Variants in ANKRD36C observed in about 807,000 individuals in gnomAD.
ANKRD36C encodes the protein ankyrin repeat domain-containing protein 36C.
Under a neutral mutation model 276.4 loss-of-function variants are expected in ANKRD36C, and 61 were observed. The observed-to-expected ratio is 0.22, with a 90% confidence interval of 0.18 to 0.27. The LOEUF is 0.27. ANKRD36C is among the 10% of genes least tolerant of loss of function. The pLI is 1.00. For synonymous variants in ANKRD36C, 483 were observed against 680.1 expected (o/e 0.71, Z 4.51); for missense variants, 1,447 against 2,032.3 (o/e 0.71, Z 5.54).
rs1234043904 is a variant in ANKRD36C at position 95,860,051 on chromosome 2, T to A, written c.3706A>T (p.Lys1236Ter). 1 of 1,537,614 alleles carries A rather than the reference T, an allele frequency of 6.5e-7. No individual in the cohort carries two copies. The highest frequency in any genetic ancestry group is 8.8e-7 in the Non-Finnish European group (1 of 1,138,464). The change falls in exon 61 of 67, where the codon AAA becomes TAA. Residue 1236 changes from lysine to a stop codon, truncating the protein, a stop_gained. Transcript: ENST00000456556. LOFTEE classifies it high-confidence loss of function. ...CTTTTACATAAACAAAATGTCTTTT[T>A]AATTTTCAATAGGTGAACACAATCT... is the stretch of plus-strand genomic sequence containing the variant.
At chr2:95,986,167 C>A (rs1377791742) in intron 3 of ANKRD36C, among the ~76,000 whole-genome samples, 1 of 151,896 alleles carries the variant, frequency 6.6e-6, no homozygotes, top group Non-Finnish European at 1.5e-5. Context: ...AACAACAAAA[C>A]ACACAAAAAC....
intron 41 of ANKRD36C, 42 bp downstream of exon 43, chr2:95,912,365 T>C: frequency 6.2e-7 from 1 of 1,603,440 alleles, no homozygotes; most frequent in Non-Finnish European, 8.5e-7. Flanking sequence ...TTTCATAGGC[T>C]TTACGTTTAC....
intron 44 of ANKRD36C, among the ~76,000 whole-genome samples, chr2:95,892,533 T>C (rs1278495967): frequency 1.3e-5 from 2 of 151,548 alleles, no homozygotes; most frequent in African/African-American, 4.8e-5. Flanking sequence ...CAAAGGACAA[T>C]ATATTAGCCT....
At chr2:95,889,695 A>C in intron 48 of ANKRD36C, 104 bp downstream of exon 68, 4 of 1,424,298 alleles carry the variant, frequency 2.8e-6, no homozygotes, top group Non-Finnish European at 3.9e-6. Flanking sequence ...GGAATACTGA[A>C]TCAGAACATG....
At chr2:95,939,819 T>TC (rs1349065702) in intron 20 of ANKRD36C, among the ~76,000 whole-genome samples, 1 of 152,304 alleles carries the variant, frequency 6.6e-6, no homozygotes. Flanking sequence ...AATACTCATG[T>TC]CATCCACAGT....
chr2:95,882,905 G>A (rs1676116538), intron 54 of ANKRD36C, among the ~76,000 whole-genome samples: 2 of 152,104 alleles, frequency 1.3e-5, no homozygotes, highest in African/African-American at 2.4e-5. Flanking sequence ...TTATACCATT[G>A]TACTGCAAGT....
At chr2:95,968,441 T>A (rs1036462236) in intron 6 of ANKRD36C, among the ~76,000 whole-genome samples, 5 of 152,130 alleles carry the variant, frequency 3.3e-5, no homozygotes, top group African/African-American at 1.2e-4. Flanking sequence ...AGAATCAATA[T>A]AATGAGCAGG....
chr2:95,883,089 T>C (rs1407354529), intron 54 of ANKRD36C, among the ~76,000 whole-genome samples: 1 of 152,082 alleles, frequency 6.6e-6, no homozygotes, highest in Non-Finnish European at 1.5e-5. Flanking sequence ...ACCCACGTGG[T>C]GTAATAATGT....
At chr2:95,891,296 CT>C (rs1338890129) in intron 46 of ANKRD36C, among the ~76,000 whole-genome samples, 1 of 151,350 alleles carries the variant, frequency 6.6e-6, no homozygotes, top group Non-Finnish European at 1.5e-5. Flanking sequence ...AGCTTTCTGT[CT>C]TTTCTTGGCA....
intron 50 of ANKRD36C, among the ~76,000 whole-genome samples, chr2:95,887,059 G>C: frequency 6.6e-6 from 1 of 151,094 alleles, no homozygotes; most frequent in East Asian, 2.0e-4. Flanking sequence ...TTAGGAGTCA[G>C]TTGTTGAATT....
At chr2:95,930,518 T>C (rs148240025) in intron 24 of ANKRD36C, among the ~76,000 whole-genome samples, 4,006 of 151,724 alleles carry the variant, frequency 0.026, 189 homozygotes, top group African/African-American at 0.092. Flanking sequence ...TCACTGTCTC[T>C]TCGTCCACTT....
chr2:95,974,206 T>C (rs1215219704), intron 6 of ANKRD36C, among the ~76,000 whole-genome samples: 5 of 152,240 alleles, frequency 3.3e-5, no homozygotes, highest in Admixed American at 3.3e-4. Context: ...AGTTTGAAAA[T>C]TTAAAAGACA....
In ANKRD36C at chr2:95,914,186, T is replaced by C. The variant is rs1280654139; in HGVS notation, c.2479-6A>G. ...TCTTCCTCGTCACTTGTAGCCTGAATGGAATTTGAAATGAAATAATAAGTT... is the reference window on the plus strand; with the variant it reads ...TCTTCCTCGTCACTTGTAGCCTGAACGGAATTTGAAATGAAATAATAAGTT... On this transcript the variant is annotated splice_polypyrimidine_tract_variant and splice_region_variant and intron_variant, in intron 39 of 66. Transcript: ENST00000456556. The C allele has an allele frequency of 1.9e-6, 3 of 1,582,842 alleles. No individual in the cohort carries two copies. The highest frequency in any genetic ancestry group is 2.7e-5 in the African/African-American group (2 of 74,104).
At chr2:95,860,069 C>T (rs966984145) in exon 61 of ANKRD36C, 5 of 1,526,740 alleles carry the variant, frequency 3.3e-6, no homozygotes, top group Non-Finnish European at 4.4e-6. Flanking sequence ...AATAGGTGAA[C>T]ACAATCTGTA....
In ANKRD36C at chr2:95,982,470, C is replaced by T. The variant is rs374774081; in HGVS notation, c.487-108G>A. The T allele has an allele frequency of 6.0e-4, 575 of 962,976 alleles. 4 individuals carry two copies. Among genetic ancestry groups the T allele is most frequent in the African/African-American group, 5.7e-3 (322 of 56,546 alleles). 59.7% of individuals were successfully genotyped at this position (962,976 alleles called of 1,614,324 possible). On this transcript the variant is annotated intron_variant, in intron 3 of 66. Coordinates refer to ENST00000456556, the Ensembl canonical transcript of ANKRD36C. ...GCTTCAATATATACAATTGAAAGGT[C>T]GTAAGAGGTAGTCCCTTTCTTTTCC...
exon 63 of ANKRD36C, chr2:95,855,393 T>G: frequency 6.2e-7 from 1 of 1,613,512 alleles, no homozygotes. Context: ...TTGAAGGTTT[T>G]CTACTCTAGC....
intron 42 of ANKRD36C, among the ~76,000 whole-genome samples, 157 bp downstream of exon 46, chr2:95,910,216 G>A (rs757112878): frequency 3.3e-5 from 5 of 151,340 alleles, no homozygotes; most frequent in Non-Finnish European, 7.4e-5. Context: ...CAGACCAGCA[G>A]CATCAGCATC....
At chr2:95,864,028 G>C (rs1675636867) in intron 60 of ANKRD36C, among the ~76,000 whole-genome samples, 1 of 152,008 alleles carries the variant, frequency 6.6e-6, no homozygotes, top group African/African-American at 2.4e-5. Context: ...TACCACTATG[G>C]TGAAGGATAC....
intron 38 of ANKRD36C, among the ~76,000 whole-genome samples, chr2:95,915,587 T>C (rs1677068056): frequency 6.6e-6 from 1 of 151,532 alleles, no homozygotes; most frequent in Admixed American, 6.6e-5. Context: ...CTACAGTGTC[T>C]ACCGGTTATT....
Sources: allele counts gnomAD v4.1 joint callset (sites outside exome capture counted in the v4.1 genomes callset), GRCh38; gene constraint gnomAD v4.1.1; transcripts MANE v1.5; gene names NCBI Gene and HGNC (gene_info 2026-07-23, HGNC 2026-07-21).